Variants in LETMD1 observed in about 807,000 individuals in gnomAD.
LETMD1 encodes the protein LETM1 domain-containing protein 1.
Under a neutral mutation model 43.9 loss-of-function variants are expected in LETMD1, and 30 were observed. The ratio of observed to expected loss-of-function variants is 0.68; its 90% CI spans 0.51 to 0.93. The LOEUF (loss-of-function observed/expected upper bound fraction) is 0.93, where lower values mean the gene tolerates loss of function less well. Among genes scored for constraint, LETMD1 ranks in the 40% least tolerant of loss-of-function variants. The pLI, the probability that LETMD1 is intolerant of heterozygous loss-of-function variation, is 0.00. For synonymous variants in LETMD1, 176 were observed against 163.1 expected, an observed-to-expected ratio of 1.08 and a Z score of -0.60; for missense variants, 413 against 447.7, an observed-to-expected ratio of 0.92 and a Z score of 0.70.
chr12:51,049,342 T>C (rs577398287), intron 2 of LETMD1, 157 bp downstream of exon 2: 1 of 578,232 alleles, frequency 1.7e-6, no homozygotes, highest in African/African-American at 1.9e-5. Context: ...TTCCTATAAA[T>C]TAGCACTTCT....
chr12:51,063,491 C>T (rs1164279000), downstream of LETMD1: 3 of 271,728 alleles, frequency 1.1e-5, no homozygotes, highest in African/African-American at 6.6e-5. Context: ...TTCCAGTGGC[C>T]CAGAAAGCTT....
At chr12:51,060,875 C>A (rs895686409), downstream of LETMD1, among the ~76,000 whole-genome samples, 5 of 137,302 alleles carry the variant, frequency 3.6e-5, no homozygotes, top group Non-Finnish European at 7.6e-5. Context: ...GCACTCCAGT[C>A]TGGGCGACAG....
rs533783218 is a variant in LETMD1, at chr12:51,048,367, C to T, written c.11C>T (p.Ser4Phe). 12 of 1,614,138 alleles carry T rather than the reference C, an allele frequency of 7.4e-6. No homozygotes were observed. The highest frequency in any genetic ancestry group is 5.3e-5 in the African/African-American group (4 of 75,042). Residue 4 changes from serine to phenylalanine, a missense_variant, in exon 1 of 9, where the codon TCC becomes TTC. Transcript: ENST00000262055. ...TCTCTCGCTGTGAAGATGGCGCTCTCCAGGGTGTGCTGGGCTCGGTCGGCT... is the reference window on the plus strand; with the variant it reads ...TCTCTCGCTGTGAAGATGGCGCTCTTCAGGGTGTGCTGGGCTCGGTCGGCT... Reference protein sequence around the residue: MALSRVCWARSAVW... With the variant: MALFRVCWARSAVW...
At chr12:51,065,634 A>AT in the LETMD1 span, among the ~76,000 whole-genome samples, 1 of 151,930 alleles carries the variant, frequency 6.6e-6, no homozygotes, top group Non-Finnish European at 1.5e-5. Flanking sequence ...TAATTTTAAA[A>AT]TTTTTTGTAG....
chr12:51,058,090 G>A lies in LETMD1; in HGVS notation c.974G>A (p.Trp325Ter), dbSNP rs1948247637. The A allele has an allele frequency of 6.2e-7, 1 of 1,613,706 alleles. No individual in the cohort carries two copies. Among genetic ancestry groups the A allele is most frequent in the African/African-American group, 1.3e-5 (1 of 74,910 alleles). Reference protein sequence around the residue: ...THIGEDRCRTWLGEWLQISCS... With the variant: ...THIGEDRCRT Reference sequence around the variant, plus strand: ...ATTGGTGAAGATAGGTGTCGAACTTGGCTGGGAGAATGGCTGCAGATTTCC... The same window carrying A: ...ATTGGTGAAGATAGGTGTCGAACTTAGCTGGGAGAATGGCTGCAGATTTCC... Residue 325 changes from tryptophan to a stop codon, truncating the protein, a stop_gained, in exon 8 of 9, where the codon TGG becomes TAG. Coordinates refer to ENST00000262055, the MANE Select transcript of LETMD1 (RefSeq NM_015416.5). LOFTEE classifies it high-confidence loss of function.
intron 8 of LETMD1, 91 bp from the exon 9 acceptor site, chr12:51,059,270 C>A: frequency 8.8e-7 from 1 of 1,130,844 alleles, no homozygotes; most frequent in Non-Finnish European, 1.3e-6. Flanking sequence ...CCTCCCTGCA[C>A]TTGGCTTCCT....
At chr12:51,063,251 C>T (rs1937756413), downstream of LETMD1, 1 of 152,146 alleles carries the variant, frequency 6.6e-6, no homozygotes, top group Admixed American at 6.5e-5. Context: ...AGCAGAGACC[C>T]TTCCACTCCC....
At position 51,052,170 on chromosome 12, in the gene LETMD1, A is replaced by G; in HGVS notation, c.353A>G (p.His118Arg). Residue 118 changes from histidine (H) to arginine (R), a missense_variant, in exon 3 of 9, where the codon CAT becomes CGT. His to Arg is a conservative substitution (Grantham distance 29, BLOSUM62 0). Transcript: ENST00000262055. ...ATGTGGAAGCACAATATAAAGTTTC[A>G]TCAACTTCCATACCGGGAGATGGAG... ...TNMWKHNIKF[H>R]QLPYREMEHL... The G allele has an allele frequency of 6.2e-7, 1 of 1,614,068 alleles. No homozygotes were observed. Among genetic ancestry groups the G allele is most frequent in the East Asian group, 2.2e-5 (1 of 44,880 alleles).
chr12:51,055,712 G>T, intron 4 of LETMD1, 123 bp from the exon 5 acceptor site: 3 of 430,466 alleles, frequency 7.0e-6, no homozygotes, highest in East Asian at 3.6e-5. Flanking sequence ...AAAGAACACT[G>T]AGGTAGGGAA....
intron 1 of LETMD1, 41 bp downstream of exon 1, chr12:51,048,519 G>T (rs1944987981): frequency 7.5e-6 from 12 of 1,606,360 alleles, no homozygotes; most frequent in Non-Finnish European, 1.0e-5. Flanking sequence ...TGACGTCCAG[G>T]CTCTTTCAGT....
intron 4 of LETMD1, 85 bp from the exon 5 acceptor site, chr12:51,055,749 TA>T: frequency 1.2e-6 from 1 of 805,130 alleles, no homozygotes; most frequent in Middle Eastern, 2.4e-4. Context: ...TTCTTCCTAG[TA>T]TTCATGTCTA....
rs1416759240 is a variant in LETMD1 at position 51,059,733 on chromosome 12, T to C, written c.*302T>C. The C allele has an allele frequency of 5.2e-6, 2 of 385,644 alleles. No individual in the cohort carries two copies. Among genetic ancestry groups the C allele is most frequent in the Non-Finnish European group, 9.9e-6 (2 of 203,032 alleles). The allele number at this position is 385,644 out of a possible 1,614,324, so 23.9% of individuals were successfully genotyped here. ...TCTACTGGGCTTTTACTGTGATGTG[T>C]TCAGTTCATGTCCTAGGAAGTCAGC... On this transcript the variant is annotated 3_prime_UTR_variant, in exon 9 of 9. Transcript: ENST00000262055.
At chr12:51,055,068 C>T (rs970353110) in intron 4 of LETMD1, among the ~76,000 whole-genome samples, 8 of 152,022 alleles carry the variant, frequency 5.3e-5, no homozygotes, top group Admixed American at 2.0e-4. Flanking sequence ...CCACTGCAGT[C>T]CAGCTTGGGT....
In LETMD1 at chr12:51,053,816, T is replaced by G; in HGVS notation, c.429T>G (p.Ile143Met). ...QDVTKCLFLG[I>M]ISIPPFANYL... is the part of the protein sequence containing the mutation. ...TCACCAAGTGTCTTTTCCTAGGTAT[T>G]ATTTCCATTCCACCTTTTGCCAACT... is the stretch of plus-strand genomic sequence containing the variant. The change falls in exon 4 of 9, where the codon ATT becomes ATG. Residue 143 changes from isoleucine to methionine, a missense_variant. By Grantham distance (10) the Ile-to-Met change is conservative. Coordinates refer to ENST00000262055, the MANE Select transcript of LETMD1 (RefSeq NM_015416.5). 1 of 1,613,844 alleles carries G rather than the reference T, an allele frequency of 6.2e-7. No homozygotes were observed. The highest frequency in any genetic ancestry group is 8.5e-7 in the Non-Finnish European group (1 of 1,179,812).
rs758299162 is a variant in LETMD1 at position 51,048,349 on chromosome 12, C to T, written c.-8C>T. 2.5e-6 allele frequency: 4 copies of T among 1,614,002 alleles called. No homozygotes were observed. Among genetic ancestry groups the T allele is most frequent in the East Asian group, 2.2e-5 (1 of 44,890 alleles). ...AACCTCTTCTCTCCCGCTTCTCTCG[C>T]TGTGAAGATGGCGCTCTCCAGGGTG... On this transcript the variant is annotated 5_prime_UTR_variant, in exon 1 of 9. Coordinates refer to ENST00000262055, the MANE Select transcript of LETMD1 (RefSeq NM_015416.5).
In LETMD1 at chr12:51,056,137, T is replaced by C. The variant is rs1368803177; in HGVS notation, c.661-7T>C. On this transcript the variant is annotated splice_region_variant and splice_polypyrimidine_tract_variant and intron_variant, in intron 5 of 8. Transcript: ENST00000262055. ...CTAACATCTACAAATCTCTTACCTC[T>C]TCCAAGATACAGCGTGGTACCCACC... 1 of 1,613,878 alleles carries C rather than the reference T, an allele frequency of 6.2e-7. No individual in the cohort carries two copies. Among genetic ancestry groups the C allele is most frequent in the South Asian group, 1.1e-5 (1 of 91,068 alleles).
chr12:51,056,583 C>G, intron 7 of LETMD1, 81 bp downstream of exon 7: 2 of 1,369,474 alleles, frequency 1.5e-6, no homozygotes, highest in South Asian at 2.3e-5. Context: ...TACAGGGGCT[C>G]CTTGTCTTGT....
intron 4 of LETMD1, 156 bp from the exon 5 acceptor site, chr12:51,055,679 A>C (rs1013316356): frequency 2.3e-6 from 1 of 428,232 alleles, no homozygotes; most frequent in Non-Finnish European, 4.2e-6. Context: ...AAAAAAAAAA[A>C]AAAAAAAAAA....
At position 51,059,426 on chromosome 12, in the gene LETMD1, C is replaced by T. The variant is rs147339209; in HGVS notation, c.1078C>T (p.Arg360Cys). 4.6e-5 allele frequency: 74 copies of T among 1,613,928 alleles called. No homozygotes were observed. The African/African-American group carries it at 7.9e-4, about 17-fold the overall frequency. ...CTCCACCAACTACCTTGGGACAAGG[C>T]GCTGAATGAACCATGGAGCGGATGG... Reference protein sequence around the residue: ...LLSTNYLGTRR With the variant: ...LLSTNYLGTRC The change falls in exon 9 of 9, where the codon CGC (arginine) becomes TGC (cysteine). Residue 360 changes from arginine to cysteine, a missense_variant. Transcript: ENST00000262055.
Sources: gnomAD v4.1 joint callset for allele counts (sites outside exome capture counted in the v4.1 genomes callset) on GRCh38, gnomAD v4.1.1 for gene constraint, MANE v1.5 for transcripts, NCBI Gene and HGNC (gene_info 2026-07-23, HGNC 2026-07-21) for gene names.